The following GDF1 variants were observed in gnomAD, a reference collection of about 807,000 sequenced individuals.
GDF1 encodes the protein embryonic growth/differentiation factor 1.
In GDF1, 8 loss-of-function variants were observed where a neutral mutation model predicts 7.4. The observed-to-expected ratio is 1.09, with a 90% CI of 0.64 to 1.96. The LOEUF (loss-of-function observed/expected upper bound fraction) is 1.96, where lower values mean the gene tolerates loss of function less well. GDF1 is among the 30% of genes most tolerant of loss of function. GDF1 has a pLI of 0.00. For missense variants in GDF1, 574 were observed against 551.5 expected (o/e 1.04, Z -0.41); for synonymous variants, 311 against 276.7 (o/e 1.12, Z -1.23).
At chr19:18,893,654 C>A in intron 1 of GDF1, 79 bp from the exon 2 acceptor site, 8 of 1,416,462 alleles carry the variant, frequency 5.6e-6, no homozygotes, top group Non-Finnish European at 6.7e-6. Flanking sequence ...AAACTGAGGC[C>A]CAGGGACTCC....
At chr19:18,879,220 G>T (rs1216714457) in intron 5 of GDF1, 21 bp downstream of exon 5, 2 of 1,613,266 alleles carry the variant, frequency 1.2e-6, no homozygotes, top group Non-Finnish European at 8.5e-7. Context: ...CCACTGTGGA[G>T]GAGAGCCGGG....
In GDF1 at chr19:18,878,716, C is replaced by A. The variant is rs2146009590; in HGVS notation, c.-313+214G>T. 1 of 1,387,942 alleles carries A rather than the reference C, an allele frequency of 7.2e-7. No individual in the cohort carries two copies. Among genetic ancestry groups the A allele is most frequent in the Non-Finnish European group, 9.4e-7 (1 of 1,069,118 alleles). The allele number at this position is 1,387,942 out of a possible 1,614,324, so 86.0% of individuals were successfully genotyped here. A position where few individuals can be genotyped will look rare whatever the true frequency, so the allele number is the denominator to read the frequency against. On this transcript the variant is annotated intron_variant, in intron 6 of 7. Transcript: ENST00000247005. This position sits in a 1 kb window ranked among gnomAD's most constrained non-coding sequence, Gnocchi z 4.6. ...TGCCTGTCGCCCTGCCTGCCCCTCCCCAGCCTCTCCCTCCCCTTCCTCACT... is the reference window on the plus strand; with the variant it reads ...TGCCTGTCGCCCTGCCTGCCCCTCCACAGCCTCTCCCTCCCCTTCCTCACT...
At chr19:18,875,956 A>C (rs2056053504) in intron 6 of GDF1, among the ~76,000 whole-genome samples, 1 of 152,232 alleles carries the variant, frequency 6.6e-6, no homozygotes, top group Non-Finnish European at 1.5e-5. Flanking sequence ...AACATCTGTC[A>C]TCCAGAAATA....
rs2056112571 is a variant in GDF1, at chr19:18,878,695, T to C, written c.-313+235A>G. The C allele has an allele frequency of 1.1e-5, 15 of 1,359,610 alleles. No homozygotes were observed. Among genetic ancestry groups the C allele is most frequent in the East Asian group, 9.1e-5 (3 of 33,142 alleles). 84.2% of individuals were successfully genotyped at this position (1,359,610 alleles called of 1,614,324 possible). A position where few individuals can be genotyped will look rare whatever the true frequency, so the allele number is the denominator to read the frequency against. On this transcript the variant is annotated intron_variant, in intron 6 of 7. Transcript: ENST00000247005. The surrounding 1 kb of genome is among the most constrained non-coding windows in gnomAD (Gnocchi z 4.6). ...GTGTCCCTACCGCTGAGACCCTGCCTGTCGCCCTGCCTGCCCCTCCCCAGC... is the reference window on the plus strand; with the variant it reads ...GTGTCCCTACCGCTGAGACCCTGCCCGTCGCCCTGCCTGCCCCTCCCCAGC...
intron 3 of GDF1, chr19:18,883,245 A>G (rs2056259308): frequency 6.6e-6 from 1 of 152,248 alleles, no homozygotes; most frequent in Admixed American, 6.5e-5. Context: ...GTATATGAGC[A>G]GTGTATTTCA....
chr19:18,890,392 CCCGTTACT>C (rs1471924752), intron 2 of GDF1, among the ~76,000 whole-genome samples: 3 of 152,234 alleles, frequency 2.0e-5, no homozygotes, highest in Non-Finnish European at 2.9e-5. Flanking sequence ...CTTTCTCTGA[CCCGTTACT>C]AGCTGTGTCT....
Position 18,869,363 on chromosome 19 carries a change from G to A in GDF1, c.353C>T (p.Ala118Val), listed in dbSNP as rs4808863. ...RGAPTRASEP[A>V]SAAGHCPEWT... is the part of the protein sequence containing the mutation. ...CTCAGGGCAATGCCCCGCGGCCGAG[G>A]CAGGCTCCGAGGCCCGGGTGGGCGC... Residue 118 changes from alanine to valine, a missense_variant, in exon 8 of 8, where the codon GCC becomes GTC. Coordinates refer to ENST00000247005, the MANE Select transcript of GDF1 (RefSeq NM_001492.6). 568,564 of 1,530,440 alleles carry A rather than the reference G, an allele frequency of 0.37. 111,915 individuals are homozygous for A. Among genetic ancestry groups the A allele is most frequent in the Admixed American group, 0.51 (25,793 of 50,942 alleles). 94.8% of individuals were successfully genotyped at this position (1,530,440 alleles called of 1,614,324 possible).
intron 2 of GDF1, among the ~76,000 whole-genome samples, chr19:18,887,672 A>C (rs2146047286): frequency 7.1e-6 from 1 of 140,436 alleles, no homozygotes; most frequent in South Asian, 2.3e-4. Context: ...TAAACCCGGG[A>C]GGCGGAGGTT....
chr19:18,879,193 G>A, intron 5 of GDF1, 48 bp downstream of exon 5: 2 of 1,610,096 alleles, frequency 1.2e-6, no homozygotes, highest in Non-Finnish European at 1.7e-6. Flanking sequence ...ACAGGGATTG[G>A]GACGAGGACG....
intron 2 of GDF1, among the ~76,000 whole-genome samples, chr19:18,888,092 G>A (rs192393741): frequency 1.3e-5 from 2 of 152,302 alleles, no homozygotes; most frequent in East Asian, 3.9e-4. Context: ...AACTGAGGTG[G>A]CTCACGCCTG....
In GDF1 at chr19:18,896,102, C is replaced by G. The variant is rs1485388594; in HGVS notation, c.-1352G>C. ...CCCGCTCGCCCGCCGTGCCCGTCGC[C>G]TGCGCCCGCCCGCGGTAGCCGACGG... On this transcript the variant is annotated 5_prime_UTR_variant, in exon 1 of 8. Coordinates refer to ENST00000247005, the MANE Select transcript of GDF1 (RefSeq NM_001492.6). The surrounding 1 kb of genome is among the most constrained non-coding windows in gnomAD (Gnocchi z 5.9). The G allele has an allele frequency of 1.1e-5, 10 of 879,042 alleles. No individual in the cohort carries two copies. Among genetic ancestry groups the G allele is most frequent in the Non-Finnish European group, 1.4e-5 (10 of 735,750 alleles). The allele number at this position is 879,042 out of a possible 1,614,324, so 54.5% of individuals were successfully genotyped here.
chr19:18,888,788 G>A (rs1011401435), intron 2 of GDF1, among the ~76,000 whole-genome samples: 2 of 150,946 alleles, frequency 1.3e-5, no homozygotes, highest in Non-Finnish European at 3.0e-5. Flanking sequence ...CAAGATCGTG[G>A]CATTGTACTC....
At chr19:18,889,847 A>G (rs1450452302) in intron 2 of GDF1, among the ~76,000 whole-genome samples, 2 of 152,092 alleles carry the variant, frequency 1.3e-5, no homozygotes, top group African/African-American at 4.8e-5. Context: ...CCATCTCACA[A>G]GACCCTAGCA....
chr19:18,879,508 C>A, intron 4 of GDF1, 120 bp from the exon 5 acceptor site: 2 of 1,223,240 alleles, frequency 1.6e-6, no homozygotes, highest in South Asian at 1.5e-5. Flanking sequence ...CACCTCTGCC[C>A]ACCTGTTTCT....
In GDF1 at chr19:18,870,748, T is replaced by C; in HGVS notation, c.-312-129A>G. 2.2e-6 allele frequency: 1 copy of C among 445,246 alleles called. No individual in the cohort carries two copies. Among genetic ancestry groups the C allele is most frequent in the Non-Finnish European group, 4.1e-6 (1 of 245,846 alleles). The allele number at this position is 445,246 out of a possible 1,614,324, so 27.6% of individuals were successfully genotyped here. ...ACCCGGCCAGGCCCGGGCCTCGCCT[T>C]GTGGCTTCCTCCTCGCCTTCACCCT... On this transcript the variant is annotated intron_variant, in intron 6 of 7. Coordinates refer to ENST00000247005, the MANE Select transcript of GDF1 (RefSeq NM_001492.6). The surrounding 1 kb of genome is among the most constrained non-coding windows in gnomAD (Gnocchi z 5.1).
rs2146084497 is a variant in GDF1 at position 18,895,940 on chromosome 19, C to G, written c.-1190G>C. On this transcript the variant is annotated 5_prime_UTR_variant, in exon 1 of 8. Transcript: ENST00000247005. This position sits in a 1 kb window ranked among gnomAD's most constrained non-coding sequence, Gnocchi z 6.4. ...GCGTGCTCAGCCAGGCCGCGACGCG[C>G]CAGCCCCCAGCCGCAGTCCGTGCAG... is the stretch of plus-strand genomic sequence containing the variant. The G allele has an allele frequency of 6.8e-6, 8 of 1,174,188 alleles. No homozygotes were observed. The highest frequency in any genetic ancestry group is 8.4e-6 in the Non-Finnish European group (8 of 949,216). 72.7% of individuals were successfully genotyped at this position (1,174,188 alleles called of 1,614,324 possible).
intron 2 of GDF1, among the ~76,000 whole-genome samples, chr19:18,892,563 G>A (rs532060066): frequency 2.8e-4 from 43 of 152,080 alleles, no homozygotes; most frequent in African/African-American, 8.9e-4. Flanking sequence ...ACAGTGAGCC[G>A]AGATCGCGCC....
rs374502253 is a variant in GDF1, at chr19:18,890,893, G to T, written c.-914+2523C>A. Among the ~76,000 whole-genome samples the T allele has an allele frequency of 1.3e-4, 20 of 152,100 alleles. No individual in the cohort carries two copies. In the South Asian group the frequency reaches 2.5e-3, roughly 19 times the overall value. On this transcript the variant is annotated intron_variant, in intron 2 of 7. Transcript: ENST00000247005. Reference sequence around the variant, plus strand: ...AATCCTGACACTTTGGGAGGCTGAGGCGGGCGGATCACCTGAGGTCAGGAG... The same window carrying T: ...AATCCTGACACTTTGGGAGGCTGAGTCGGGCGGATCACCTGAGGTCAGGAG...
chr19:18,869,837 G>A (rs2055932022), intron 7 of GDF1, 146 bp downstream of exon 7: 6 of 742,472 alleles, frequency 8.1e-6, no homozygotes, highest in South Asian at 7.8e-5. Flanking sequence ...AGGAAAGGGT[G>A]AGGTGCGGTG....
Sources: allele counts gnomAD v4.1 joint callset (sites outside exome capture counted in the v4.1 genomes callset), GRCh38; gene constraint gnomAD v4.1.1; non-coding constraint Gnocchi (gnomAD v3.1); transcripts MANE v1.5; gene names NCBI Gene and HGNC (gene_info 2026-07-23, HGNC 2026-07-21).